The following CLCA4 variants were observed in gnomAD, a reference collection of about 807,000 sequenced individuals.
The protein encoded by CLCA4 is calcium-activated chloride channel regulator 4.
A neutral mutation model predicts 78.9 loss-of-function variants in CLCA4; 69 were observed. The ratio of observed to expected loss-of-function variants is 0.87; its 90% CI spans 0.72 to 1.07. CLCA4 has a LOEUF of 1.07. CLCA4 is among the 50% of genes least tolerant of loss of function. The pLI, the probability that CLCA4 is intolerant of heterozygous loss-of-function variation, is 0.00. For missense variants in CLCA4, 1,133 were observed against 1,095.8 expected, an observed-to-expected ratio of 1.03 and a Z score of -0.48; for synonymous variants, 362 against 375.8, an observed-to-expected ratio of 0.96 and a Z score of 0.42.
At chr1:86,553,420 G>C (rs1403583946) in intron 1 of CLCA4, 2 of 404,418 alleles carry the variant, frequency 4.9e-6, no homozygotes, top group Non-Finnish European at 8.9e-6. Flanking sequence ...AGGCGAGGCA[G>C]CAGAGATCCT....
At chr1:86,569,544 T>A (rs149434039) in intron 7 of CLCA4, among the ~76,000 whole-genome samples, 1 of 152,074 alleles carries the variant, frequency 6.6e-6, no homozygotes, top group East Asian at 1.9e-4. Context: ...ATGATTCCAA[T>A]TGCCCTGAAT....
At chr1:86,560,830 A>G (rs1649995017) in intron 3 of CLCA4, among the ~76,000 whole-genome samples, 1 of 152,234 alleles carries the variant, frequency 6.6e-6, no homozygotes, top group South Asian at 2.1e-4. Context: ...TGCTGATAAT[A>G]TCAATCTATT....
At chr1:86,563,632 G>T in intron 3 of CLCA4, 29 bp from the exon 4 acceptor site, 1 of 1,108,132 alleles carries the variant, frequency 9.0e-7, no homozygotes, top group South Asian at 1.5e-5. Context: ...CTTGGATTAT[G>T]ATCATGTATT....
At chr1:86,554,496 C>T (rs921303480) in intron 1 of CLCA4, among the ~76,000 whole-genome samples, 2 of 152,004 alleles carry the variant, frequency 1.3e-5, no homozygotes, top group Non-Finnish European at 2.9e-5. Context: ...AACTCCTGAC[C>T]CGAAGTGATC....
In CLCA4 at chr1:86,575,440, G is replaced by C; in HGVS notation, c.1792G>C (p.Ala598Pro). 1 of 1,613,476 alleles carries C rather than the reference G, an allele frequency of 6.2e-7. No individual in the cohort carries two copies. The highest frequency in any genetic ancestry group is 8.5e-7 in the Non-Finnish European group (1 of 1,179,622). Residue 598 changes from alanine to proline, a missense_variant, in exon 11 of 14, where the codon GCT becomes CCT. By Grantham distance (27) the Ala-to-Pro change is conservative. Coordinates refer to ENST00000370563, the MANE Select transcript of CLCA4 (RefSeq NM_012128.4). ...TTCTGTGCCTCCAATCACAGTGAATGCTAAAATGAATAAGGACGTAAACAG... is the reference window on the plus strand; with the variant it reads ...TTCTGTGCCTCCAATCACAGTGAATCCTAAAATGAATAAGGACGTAAACAG... ...NSSVPPITVN[A>P]KMNKDVNSFP... is the part of the protein sequence containing the mutation.
Position 86,565,281 on chromosome 1 carries a change from G to A in CLCA4, c.565G>A (p.Ala189Thr), listed in dbSNP as rs372259034. 17 of 1,588,926 alleles carry A rather than the reference G, an allele frequency of 1.1e-5. No individual in the cohort carries two copies. The African/African-American group carries it at 1.4e-4, about 13-fold the overall frequency. The change falls in exon 5 of 14, where the codon GCA becomes ACA. Residue 189 changes from alanine (A) to threonine (T), a missense_variant. Physicochemically the swap from Ala to Thr is moderately conservative, Grantham distance 58. Transcript: ENST00000370563. Reference sequence around the variant, plus strand: ...ACTGTCATATATTTTCAGGTGTTCCGCAGGTATCTCTGGTAGAAATAGAGT... The same window carrying A: ...ACTGTCATATATTTTCAGGTGTTCCACAGGTATCTCTGGTAGAAATAGAGT... ...SKKIEATRCS[A>T]GISGRNRVYK...
intron 1 of CLCA4, among the ~76,000 whole-genome samples, chr1:86,548,269 T>C (rs1649556066): frequency 6.6e-6 from 1 of 152,192 alleles, no homozygotes; most frequent in Admixed American, 6.5e-5. Context: ...TTCAGATCAT[T>C]TGCCCATTTT....
chr1:86,572,622 C>A lies in CLCA4; in HGVS notation c.1369C>A (p.His457Asn), dbSNP rs1162931680. ...ATGCATTTACATTTTAGGAGGAAGT[C>A]ATTTTTATGTTTCAGATGAAGCTCA... ...IEMSKITGGS[H>N]FYVSDEAQNN... Residue 457 changes from histidine to asparagine, a missense_variant, in exon 9 of 14, where the codon CAT becomes AAT. His to Asn is a moderately conservative substitution (Grantham distance 68). Coordinates refer to ENST00000370563, the MANE Select transcript of CLCA4 (RefSeq NM_012128.4). 6.3e-7 allele frequency: 1 copy of A among 1,593,972 alleles called. No homozygotes were observed. Among genetic ancestry groups the A allele is most frequent in the Admixed American group, 1.7e-5 (1 of 59,750 alleles).
intron 1 of CLCA4, among the ~76,000 whole-genome samples, chr1:86,548,673 C>T (rs918281892): frequency 1.7e-5 from 2 of 114,844 alleles, no homozygotes; most frequent in African/African-American, 3.5e-5. Context: ...CAGAGCAAGA[C>T]TCCCTCTCTG....
chr1:86,553,651 C>T (rs1173266253), intron 1 of CLCA4, among the ~76,000 whole-genome samples: 1 of 152,182 alleles, frequency 6.6e-6, no homozygotes, highest in African/African-American at 2.4e-5. Context: ...GCTTATGTGT[C>T]GGCCCGGGCA....
intron 1 of CLCA4, among the ~76,000 whole-genome samples, chr1:86,557,179 G>T (rs753589752): frequency 4.0e-5 from 6 of 151,820 alleles, no homozygotes; most frequent in African/African-American, 7.3e-5. Context: ...CTTTTGAGTG[G>T]TTTTTTGTGT....
intron 1 of CLCA4, among the ~76,000 whole-genome samples, chr1:86,555,627 A>G (rs931879838): frequency 6.6e-6 from 1 of 152,184 alleles, no homozygotes; most frequent in Non-Finnish European, 1.5e-5. Context: ...GAAATCAGGT[A>G]ACATGATGCC....
intron 1 of CLCA4, chr1:86,552,971 A>T: frequency 1.6e-6 from 1 of 632,002 alleles, no homozygotes; most frequent in South Asian, 1.8e-5. Context: ...CAAAGGTTAG[A>T]AACTGAGCCC....
In CLCA4 at chr1:86,565,830, A is replaced by G; in HGVS notation, c.764A>G (p.His255Arg). ...SVVEFCNEKT[H>R]NQEAPSLQNI... ...GTTGAATTTTGTAACGAAAAAACCCATAATCAAGAAGCTCCAAGCCTACAA... is the reference window on the plus strand; with the variant it reads ...GTTGAATTTTGTAACGAAAAAACCCGTAATCAAGAAGCTCCAAGCCTACAA... Residue 255 changes from histidine (H) to arginine (R), a missense_variant, in exon 6 of 14, where the codon CAT becomes CGT. By Grantham distance (29) the His-to-Arg change is conservative (BLOSUM62 0). Coordinates refer to ENST00000370563, the MANE Select transcript of CLCA4 (RefSeq NM_012128.4). 3 of 1,549,184 alleles carry G rather than the reference A, an allele frequency of 1.9e-6. No individual in the cohort carries two copies. Among genetic ancestry groups the G allele is most frequent in the Non-Finnish European group, 1.7e-6 (2 of 1,148,728 alleles).
intron 12 of CLCA4, 82 bp downstream of exon 12, chr1:86,578,154 G>A (rs1650582043): frequency 8.1e-7 from 1 of 1,232,836 alleles, no homozygotes; most frequent in Admixed American, 2.8e-5. Flanking sequence ...CAAACAGGTT[G>A]ATTAAAACTC....
Position 86,580,040 on chromosome 1 carries a change from G to T in CLCA4, c.2455G>T (p.Glu819Ter). ...QVNTTDLSPK[E>*]ANSKESFAFK... Reference sequence around the variant, plus strand: ...AAATACTACTGATCTGTCACCAAAGGAGGCCAACTCCAAGGAAAGCTTTGC... The same window carrying T: ...AAATACTACTGATCTGTCACCAAAGTAGGCCAACTCCAAGGAAAGCTTTGC... The change falls in exon 14 of 14, where the codon GAG (glutamate) becomes TAG (stop). Residue 819 changes from glutamate to a stop codon, truncating the protein, a stop_gained. Transcript: ENST00000370563. LOFTEE classifies it low-confidence loss of function (END_TRUNC). The T allele has an allele frequency of 1.9e-6, 3 of 1,612,810 alleles. No homozygotes were observed. Among genetic ancestry groups the T allele is most frequent in the Non-Finnish European group, 2.5e-6 (3 of 1,179,346 alleles).
chr1:86,575,374 G>A lies in CLCA4; in HGVS notation c.1726G>A (p.Glu576Lys), dbSNP rs746077922. ...CAATCTTCAAGCCAAAGCGAACCCA[G>A]AAACATTAACTATTACAGTAACTTC... Reference protein sequence around the residue: ...AYNLQAKANPETLTITVTSRA... With the variant: ...AYNLQAKANPKTLTITVTSRA... Residue 576 changes from glutamate (E) to lysine (K), a missense_variant, in exon 11 of 14, where the codon GAA (glutamate) becomes AAA (lysine). Transcript: ENST00000370563. 1 of 1,613,304 alleles carries A rather than the reference G, an allele frequency of 6.2e-7. No homozygotes were observed. The highest frequency in any genetic ancestry group is 1.1e-5 in the South Asian group (1 of 91,052).
rs374060800 is a variant in CLCA4 at position 86,572,681 on chromosome 1, T to C, written c.1428T>C (p.Leu476=). 329 of 1,607,910 alleles carry C rather than the reference T, an allele frequency of 2.0e-4. 2 individuals are homozygous for C. Among genetic ancestry groups the C allele is most frequent in the Non-Finnish European group, 2.3e-4 (265 of 1,174,886 alleles). Residue 476 remains leucine, a synonymous_variant, in exon 9 of 14, where the codon CTT becomes CTC. Coordinates refer to ENST00000370563, the MANE Select transcript of CLCA4 (RefSeq NM_012128.4). The part of the protein sequence containing the change: ...NNGLIDAFGA[L]TSGNTDLSQK... The stretch of plus-strand genomic sequence containing the variant: ...GCCTCATTGATGCTTTTGGGGCTCT[T>C]ACATCAGGAAATACTGATCTCTCCC...
intron 1 of CLCA4, among the ~76,000 whole-genome samples, chr1:86,559,508 T>G (rs183889513): frequency 6.8e-4 from 103 of 152,338 alleles, no homozygotes; most frequent in African/African-American, 2.2e-3. Flanking sequence ...TGATTCCATC[T>G]CTATGCCAAC....
Sources: allele counts gnomAD v4.1 joint callset (sites outside exome capture counted in the v4.1 genomes callset), GRCh38; gene constraint gnomAD v4.1.1; transcripts MANE v1.5; gene names NCBI Gene and HGNC (gene_info 2026-07-23, HGNC 2026-07-21).